The following THBS4 variants were observed in gnomAD, a reference collection of about 807,000 sequenced individuals.
THBS4 encodes the protein thrombospondin-4.
THBS4 carries 90 observed loss-of-function variants against 115.7 expected under a neutral mutation model. The observed-to-expected ratio is 0.78, with a 90% confidence interval of 0.66 to 0.93. The LOEUF is 0.93. THBS4 is among the 40% of genes least tolerant of loss of function. The pLI, the probability that THBS4 is intolerant of heterozygous loss-of-function variation, is 0.00. For missense variants in THBS4, 1,087 were observed against 1,232.7 expected (o/e 0.88, Z 1.77); for synonymous variants, 460 against 479.3 (o/e 0.96, Z 0.53).
At chr5:80,002,046 T>A (rs1413614438) in intron 2 of THBS4, among the ~76,000 whole-genome samples, 2 of 152,142 alleles carry the variant, frequency 1.3e-5, no homozygotes, top group Non-Finnish European at 2.9e-5. Flanking sequence ...GTATCTCTAT[T>A]TTCAATTTGA....
intron 2 of THBS4, 48 bp from the exon 3 acceptor site, chr5:80,055,737 C>A: frequency 6.3e-7 from 1 of 1,577,116 alleles, no homozygotes; most frequent in Non-Finnish European, 8.6e-7. Flanking sequence ...CCTCCACTTC[C>A]CCCTCTGCCA....
At position 80,007,032 on chromosome 5, in the gene THBS4, C is replaced by T. The variant is rs149943145; in HGVS notation, n.177+8605C>T. Among the ~76,000 whole-genome samples, 232 of 152,258 alleles carry T rather than the reference C, an allele frequency of 1.5e-3. 1 individual carries two copies. Among genetic ancestry groups the T allele is most frequent in the African/African-American group, 5.3e-3 (221 of 41,554 alleles). On this transcript the variant is annotated intron_variant and non_coding_transcript_variant, in intron 2 of 3. Coordinates refer to the THBS4 transcript ENST00000510218. ...AACAAAGTGGACAAAAATTCCTTCC[C>T]TTGTGGAGCTTACACTCAAGAATAT...
intron 2 of THBS4, among the ~76,000 whole-genome samples, chr5:80,003,458 C>A (rs549246722): frequency 1.3e-5 from 2 of 152,210 alleles, no homozygotes; most frequent in East Asian, 3.9e-4. Flanking sequence ...ATGCTGTTTT[C>A]CTTATCAATT....
chr5:80,041,067 C>A (rs1288459158), intron 2 of THBS4, among the ~76,000 whole-genome samples: 1 of 152,168 alleles, frequency 6.6e-6, no homozygotes, highest in African/African-American at 2.4e-5. Context: ...CCACAAGGCC[C>A]TACCTCCCAA....
chr5:79,994,403 C>T (rs1331688678), intron 1 of THBS4, among the ~76,000 whole-genome samples: 1 of 152,134 alleles, frequency 6.6e-6, no homozygotes, highest in South Asian at 2.1e-4. Context: ...CCCAGTTTCA[C>T]CCAAAGTGGA....
At chr5:80,034,837 A>G (rs1832658488), upstream of THBS4, among the ~76,000 whole-genome samples, 2 of 152,200 alleles carry the variant, frequency 1.3e-5, no homozygotes, top group Admixed American at 6.5e-5. Flanking sequence ...TGAAGAAATA[A>G]AAGAAACTCG....
intron 15 of THBS4, among the ~76,000 whole-genome samples, chr5:80,074,765 C>T (rs1743112786): frequency 6.6e-6 from 1 of 152,094 alleles, no homozygotes; most frequent in Non-Finnish European, 1.5e-5. Context: ...AGGTGTGTGC[C>T]ACCATGCTGG....
exon 1 of THBS4, chr5:79,991,375 G>T: frequency 1.3e-6 from 1 of 779,326 alleles, no homozygotes; most frequent in Non-Finnish European, 2.0e-6. Context: ...CGACTGGAGG[G>T]ATTAAGAAGA....
chr5:80,029,803 CAAAAAAA>C, intron 2 of THBS4, among the ~76,000 whole-genome samples: 1 of 136,026 alleles, frequency 7.4e-6, no homozygotes, highest in East Asian at 2.2e-4. Context: ...ACTAAAAATA[CAAAAAAA>C]AAAAAAAAAA....
Position 80,061,767 on chromosome 5 carries a change from C to G in THBS4, c.1060C>G (p.Pro354Ala). ...TCCTGGCTTCAGATGTGACGCCTGCCCAGTGGGCTTCACAGGGCCCATGGT... is the reference window on the plus strand; with the variant it reads ...TCCTGGCTTCAGATGTGACGCCTGCGCAGTGGGCTTCACAGGGCCCATGGT... ...LSPGFRCDACPVGFTGPMVQG... is the reference protein window; with the variant it reads ...LSPGFRCDACAVGFTGPMVQG... Residue 354 changes from proline to alanine, a missense_variant, in exon 8 of 22, where the codon CCA (proline) becomes GCA (alanine). By Grantham distance (27) the Pro-to-Ala change is conservative. Transcript: ENST00000350881. The G allele has an allele frequency of 6.2e-7, 1 of 1,613,976 alleles. No homozygotes were observed. The highest frequency in any genetic ancestry group is 8.5e-7 in the Non-Finnish European group (1 of 1,180,002).
Position 80,035,735 on chromosome 5 carries a change from T to A in THBS4, c.88+110T>A. On this transcript the variant is annotated intron_variant, in intron 1 of 21. Coordinates refer to ENST00000350881, the MANE Select transcript of THBS4 (RefSeq NM_003248.6). The surrounding 1 kb of genome is among the most constrained non-coding windows in gnomAD (Gnocchi z 4.6). ...TGCTCCTGTGGCCTTGCTCAGCCCC[T>A]CTCTGTCCCTCCCGGGCCCAATCAA... The A allele has an allele frequency of 2.7e-6, 2 of 738,368 alleles. No homozygotes were observed. The highest frequency in any genetic ancestry group is 3.7e-6 in the Non-Finnish European group (2 of 533,886). The allele number at this position is 738,368 out of a possible 1,614,324, so 45.7% of individuals were successfully genotyped here.
chr5:80,006,051 C>G (rs560669895), intron 2 of THBS4, among the ~76,000 whole-genome samples: 3 of 152,260 alleles, frequency 2.0e-5, no homozygotes, highest in Admixed American at 1.3e-4. Flanking sequence ...AAACGTGAAC[C>G]ACCATGCCCG....
Position 79,998,920 on chromosome 5 carries a change from C to G in THBS4, n.177+493C>G, listed in dbSNP as rs2151148967. Among the ~76,000 whole-genome samples, 3 of 152,246 alleles carry G rather than the reference C, an allele frequency of 2.0e-5. No homozygotes were observed. In the South Asian group the frequency reaches 6.2e-4, roughly 32 times the overall value. On this transcript the variant is annotated intron_variant and non_coding_transcript_variant, in intron 2 of 3. Transcript: ENST00000510218. Reference sequence around the variant, plus strand: ...CCCAGAAGTGATGCTGAGCTATGTTCAGTGGCCACATGGCTCTCTAGAATC... The same window carrying G: ...CCCAGAAGTGATGCTGAGCTATGTTGAGTGGCCACATGGCTCTCTAGAATC...
At position 80,008,786 on chromosome 5, in the gene THBS4, A is replaced by C. The variant is rs534160530; in HGVS notation, n.177+10359A>C. 2.6e-5 allele frequency among the ~76,000 whole-genome samples: 4 copies of C among 152,274 alleles called. No homozygotes were observed. In the South Asian group the frequency reaches 8.3e-4, roughly 32 times the overall value. ...AGCATACCCTGGTTGTGACAACCAAAAATGTCTAGACATTGTCAGATGTCT... is the reference window on the plus strand; with the variant it reads ...AGCATACCCTGGTTGTGACAACCAACAATGTCTAGACATTGTCAGATGTCT... On this transcript the variant is annotated intron_variant and non_coding_transcript_variant, in intron 2 of 3. Transcript: ENST00000510218.
At chr5:80,062,771 G>A (rs1216215475) in intron 8 of THBS4, among the ~76,000 whole-genome samples, 1 of 152,164 alleles carries the variant, frequency 6.6e-6, no homozygotes, top group Non-Finnish European at 1.5e-5. Context: ...AACTAAGAGT[G>A]AGAACATGCG....
In THBS4 at chr5:80,035,638, G is replaced by A. The variant is rs748192845; in HGVS notation, c.88+13G>A. ...GCCACCCCCCAGGGTAAGTGGGTTC[G>A]GGTCGGGCCTGGGAGCGCCGGGCAC... is the stretch of plus-strand genomic sequence containing the variant. On this transcript the variant is annotated intron_variant, in intron 1 of 21. Transcript: ENST00000350881. The surrounding 1 kb of genome is among the most constrained non-coding windows in gnomAD (Gnocchi z 4.6). The A allele has an allele frequency of 9.0e-6, 12 of 1,337,286 alleles. No homozygotes were observed. In the African/African-American group the frequency reaches 1.4e-4, roughly 15 times the overall value. The allele number at this position is 1,337,286 out of a possible 1,614,324, so 82.8% of individuals were successfully genotyped here.
At chr5:80,024,900 T>C (rs1832445465) in intron 2 of THBS4, among the ~76,000 whole-genome samples, 1 of 152,200 alleles carries the variant, frequency 6.6e-6, no homozygotes, top group South Asian at 2.1e-4. Context: ...AGAAGGACAC[T>C]GTGTCTAGGG....
intron 2 of THBS4, among the ~76,000 whole-genome samples, chr5:80,026,899 C>T (rs1476046480): frequency 2.0e-5 from 3 of 152,232 alleles, no homozygotes; most frequent in Admixed American, 6.5e-5. Flanking sequence ...CCCACACTCT[C>T]ATTCCCATTC....
intron 13 of THBS4, chr5:80,071,920 G>A (rs1402662967): frequency 2.9e-5 from 6 of 207,936 alleles, no homozygotes; most frequent in Non-Finnish European, 4.0e-5. Context: ...AATGGACCCA[G>A]CTCCAGCACA....
Sources: allele counts gnomAD v4.1 joint callset (sites outside exome capture counted in the v4.1 genomes callset), GRCh38; gene constraint gnomAD v4.1.1; non-coding constraint Gnocchi (gnomAD v3.1); transcripts MANE v1.5; gene names NCBI Gene and HGNC (gene_info 2026-07-23, HGNC 2026-07-21).